The following MYO3B variants were observed in gnomAD, a reference collection of about 807,000 sequenced individuals.
MYO3B encodes myosin IIIB, also known as myosin-IIIb.
In MYO3B, 156 loss-of-function variants were observed where a neutral mutation model predicts 174.6. The observed-to-expected ratio is 0.89, with a 90% CI of 0.78 to 1.02. The LOEUF is 1.02. Ranked by LOEUF, MYO3B falls within the 50% of genes least tolerant of loss-of-function variation. MYO3B has a pLI of 0.00. For missense variants in MYO3B, 1,632 were observed against 1,639.4 expected, an observed-to-expected ratio of 1.00 and a Z score of 0.08; for synonymous variants, 563 against 569.1, an observed-to-expected ratio of 0.99 and a Z score of 0.15.
intron 32 of MYO3B, among the ~76,000 whole-genome samples, chr2:170,562,459 AAAAT>A (rs1691775825): frequency 6.6e-6 from 1 of 152,216 alleles, no homozygotes; most frequent in Non-Finnish European, 1.5e-5. Flanking sequence ...ATGATATAGA[AAAAT>A]AACCCCAAAA....
At chr2:170,230,270 A>G (rs1284263639) in intron 6 of MYO3B, among the ~76,000 whole-genome samples, 4 of 148,072 alleles carry the variant, frequency 2.7e-5, no homozygotes, top group Non-Finnish European at 5.9e-5. Flanking sequence ...CCCATGTTCA[A>G]GCAATTCTCT....
At chr2:170,333,209 TG>T in intron 7 of MYO3B, among the ~76,000 whole-genome samples, 1 of 152,286 alleles carries the variant, frequency 6.6e-6, no homozygotes, top group East Asian at 1.9e-4. Context: ...GCACCAAAGC[TG>T]CCCACAGAGG....
At chr2:170,207,534 C>G (rs1360197495) in intron 3 of MYO3B, among the ~76,000 whole-genome samples, 2 of 152,004 alleles carry the variant, frequency 1.3e-5, no homozygotes, top group Non-Finnish European at 2.9e-5. Flanking sequence ...GTTCCCTTCC[C>G]CTGAGCGCAA....
At chr2:170,579,459 CCT>C (rs1171261774) in intron 32 of MYO3B, among the ~76,000 whole-genome samples, 5 of 152,206 alleles carry the variant, frequency 3.3e-5, no homozygotes, top group Non-Finnish European at 5.9e-5. Context: ...CCCCACCATT[CCT>C]CTGTCCCAGT....
chr2:170,238,926 G>A (rs998581744), intron 7 of MYO3B, among the ~76,000 whole-genome samples: 3 of 152,068 alleles, frequency 2.0e-5, no homozygotes, highest in Admixed American at 6.5e-5. Flanking sequence ...CAGGGTCATC[G>A]TGACCTGCTT....
rs564940961 is a variant in MYO3B, at chr2:170,432,285, G to A, written c.2651-11682G>A. Among the ~76,000 whole-genome samples, 5 of 152,246 alleles carry A rather than the reference G, an allele frequency of 3.3e-5. No individual in the cohort carries two copies. In the South Asian group the frequency reaches 1.0e-3, roughly 32 times the overall value. ...CATAGACCTTACAGTGGGATAAGATGTGTGGAGGTAGAAGACAGTGATATT... is the reference window on the plus strand; with the variant it reads ...CATAGACCTTACAGTGGGATAAGATATGTGGAGGTAGAAGACAGTGATATT... On this transcript the variant is annotated intron_variant, in intron 22 of 34. Coordinates refer to ENST00000408978, the MANE Select transcript of MYO3B (RefSeq NM_138995.5).
At chr2:170,377,786 G>A (rs777248343) in intron 9 of MYO3B, among the ~76,000 whole-genome samples, 6 of 152,258 alleles carry the variant, frequency 3.9e-5, no homozygotes, top group African/African-American at 7.2e-5. Flanking sequence ...ATTTGAAAAC[G>A]TCTTCTGAGC....
At position 170,405,568 on chromosome 2, in the gene MYO3B, T is replaced by A. The variant is rs372328011; in HGVS notation, c.2455T>A (p.Cys819Ser). 6.8e-6 allele frequency: 11 copies of A among 1,614,164 alleles called. No individual in the cohort carries two copies. Among genetic ancestry groups the A allele is most frequent in the Non-Finnish European group, 9.3e-6 (11 of 1,180,000 alleles). ...AGATAAATTTGAAGATAATCTACGA[T>A]GCAAATACTTCTGGAGGCCCAAAGG... ...LVDKFEDNLRCKYFWRPKGVE... is the reference protein window; with the variant it reads ...LVDKFEDNLRSKYFWRPKGVE... The change falls in exon 21 of 35, where the codon TGC becomes AGC. Residue 819 changes from cysteine (C) to serine (S), a missense_variant. Physicochemically the swap from Cys to Ser is moderately radical, Grantham distance 112. Coordinates refer to ENST00000408978, the MANE Select transcript of MYO3B (RefSeq NM_138995.5).
intron 22 of MYO3B, among the ~76,000 whole-genome samples, chr2:170,416,818 G>GTTGTTTT (rs2094582662): frequency 8.6e-6 from 1 of 116,124 alleles, no homozygotes; most frequent in African/African-American, 3.3e-5. Flanking sequence ...TTTTTCTGTT[G>GTTGTTTT]TTTTTTTTTT....
chr2:170,267,974 G>A (rs1335620901), intron 7 of MYO3B, among the ~76,000 whole-genome samples: 4 of 152,102 alleles, frequency 2.6e-5, no homozygotes, highest in Non-Finnish European at 2.9e-5. Context: ...TTGGGAGGCC[G>A]AGGCGGGTGG....
At chr2:170,230,524 A>G (rs961005355) in intron 6 of MYO3B, among the ~76,000 whole-genome samples, 1 of 151,572 alleles carries the variant, frequency 6.6e-6, no homozygotes, top group African/African-American at 2.4e-5. Context: ...TAACCTGCCA[A>G]CTTCTTGATA....
chr2:170,391,041 A>G (rs1465163728), intron 14 of MYO3B, among the ~76,000 whole-genome samples: 1 of 152,130 alleles, frequency 6.6e-6, no homozygotes, highest in African/African-American at 2.4e-5. Context: ...TTTGAGTAGT[A>G]CTTTTAAGAA....
intron 32 of MYO3B, among the ~76,000 whole-genome samples, chr2:170,553,702 C>T (rs1691081962): frequency 6.6e-6 from 1 of 152,066 alleles, no homozygotes; most frequent in African/African-American, 2.4e-5. Flanking sequence ...GTGAGAAGGA[C>T]ATGAGATTTG....
chr2:170,530,855 A>T (rs189046782), intron 30 of MYO3B, among the ~76,000 whole-genome samples: 2 of 152,300 alleles, frequency 1.3e-5, no homozygotes, highest in African/African-American at 2.4e-5. Context: ...TTGTTGCCAG[A>T]AGAAAGATTT....
intron 9 of MYO3B, 52 bp downstream of exon 9, chr2:170,369,429 T>G: frequency 6.4e-7 from 1 of 1,568,094 alleles, no homozygotes; most frequent in Non-Finnish European, 8.7e-7. Flanking sequence ...AAAAATGTCA[T>G]GTCATGTGTT....
intron 7 of MYO3B, among the ~76,000 whole-genome samples, chr2:170,318,626 G>C (rs1307234716): frequency 6.6e-6 from 1 of 152,206 alleles, no homozygotes; most frequent in African/African-American, 2.4e-5. Context: ...AAATAAGTAA[G>C]AGTCATATAT....
At chr2:170,446,820 A>G (rs2094846010) in intron 23 of MYO3B, among the ~76,000 whole-genome samples, 1 of 152,218 alleles carries the variant, frequency 6.6e-6, no homozygotes, top group Non-Finnish European at 1.5e-5. Flanking sequence ...ATTTAATATA[A>G]GTTTTAGATG....
intron 7 of MYO3B, among the ~76,000 whole-genome samples, chr2:170,280,314 T>G (rs7589237): frequency 0.38 from 57,793 of 151,980 alleles, 11,833 homozygotes; most frequent in African/African-American, 0.54. Flanking sequence ...GGGGTTGTTT[T>G]TTTTTCTCTT....
intron 32 of MYO3B, among the ~76,000 whole-genome samples, chr2:170,559,555 G>C (rs1691569233): frequency 6.6e-6 from 1 of 151,918 alleles, no homozygotes. Flanking sequence ...AGTTGAATTT[G>C]GATTAAAAAT....
Sources: allele counts gnomAD v4.1 joint callset (sites outside exome capture counted in the v4.1 genomes callset), GRCh38; gene constraint gnomAD v4.1.1; transcripts MANE v1.5; gene names NCBI Gene and HGNC (gene_info 2026-07-23, HGNC 2026-07-21).